GRID2: variants seen among roughly 807,000 people sequenced by gnomAD.
The protein encoded by GRID2 is glutamate receptor ionotropic, delta-2.
GRID2 carries 33 observed loss-of-function variants against 114.8 expected under a neutral mutation model. The observed-to-expected ratio is 0.29, with a 90% confidence interval of 0.22 to 0.38. The LOEUF (loss-of-function observed/expected upper bound fraction) is 0.38. Among genes scored for constraint, GRID2 ranks in the 10% least tolerant of loss-of-function variants. GRID2 has a pLI of 1.00. For missense variants in GRID2, 1,184 were observed against 1,257.7 expected (o/e 0.94, Z 0.89); for synonymous variants, 505 against 449.9 (o/e 1.12, Z -1.55).
chr4:93,039,528 C>T (rs1490493898), intron 2 of GRID2, among the ~76,000 whole-genome samples: 2 of 151,692 alleles, frequency 1.3e-5, no homozygotes, highest in African/African-American at 4.8e-5. Flanking sequence ...CATATCTGTC[C>T]TCATTAGTTG....
At chr4:93,147,239 G>T (rs1015009038) in intron 4 of GRID2, among the ~76,000 whole-genome samples, 2 of 151,996 alleles carry the variant, frequency 1.3e-5, no homozygotes, top group African/African-American at 4.8e-5. Context: ...GCAGCAGAGA[G>T]AATCAAAAAA....
At chr4:93,203,109 C>T (rs1172835476) in intron 4 of GRID2, among the ~76,000 whole-genome samples, 2 of 152,090 alleles carry the variant, frequency 1.3e-5, no homozygotes, top group African/African-American at 4.8e-5. Flanking sequence ...CCTACCATTA[C>T]TGATATCAGT....
In GRID2 at chr4:93,120,322, A is replaced by G. The variant is rs142463114; in HGVS notation, c.735+9369A>G. ...GATGTTTCTTGCAGCACTATTCACA[A>G]TAGCAAAGACTTAGAACCAACCCAC... On this transcript the variant is annotated intron_variant, in intron 4 of 15. Transcript: ENST00000282020. 2.3e-3 allele frequency among the ~76,000 whole-genome samples: 344 copies of G among 152,302 alleles called. 1 individual carries two copies. The highest frequency in any genetic ancestry group is 7.8e-3 in the African/African-American group (326 of 41,568).
chr4:92,924,653 A>C (rs925766905), intron 2 of GRID2, among the ~76,000 whole-genome samples: 7 of 152,246 alleles, frequency 4.6e-5, no homozygotes, highest in Admixed American at 6.6e-5. Flanking sequence ...AGTTACATTC[A>C]CTGCATCATA....
chr4:92,927,103 A>T (rs80139373), intron 2 of GRID2, among the ~76,000 whole-genome samples: 1 of 151,918 alleles, frequency 6.6e-6, no homozygotes, highest in African/African-American at 2.4e-5. Context: ...ACATCTTTCT[A>T]GTATTATGAA....
chr4:93,789,187 A>G (rs1214121024), intron 1 of GRID2, among the ~76,000 whole-genome samples: 2 of 152,232 alleles, frequency 1.3e-5, no homozygotes, highest in Non-Finnish European at 2.9e-5. Flanking sequence ...TGTGTTTTAT[A>G]ATTCACATTT....
At chr4:92,931,056 T>A (rs951890594) in intron 2 of GRID2, among the ~76,000 whole-genome samples, 2 of 150,760 alleles carry the variant, frequency 1.3e-5, no homozygotes, top group African/African-American at 4.9e-5. Flanking sequence ...GATAAAGACA[T>A]AACAAAGAAG....
At chr4:93,212,452 G>A (rs942753071) in intron 5 of GRID2, among the ~76,000 whole-genome samples, 3 of 152,038 alleles carry the variant, frequency 2.0e-5, no homozygotes, top group South Asian at 4.1e-4. Flanking sequence ...TCTTCTCCCC[G>A]CAATCAGTGG....
chr4:92,493,713 G>A (rs1723256889), intron 1 of GRID2, among the ~76,000 whole-genome samples: 6 of 152,202 alleles, frequency 3.9e-5, no homozygotes, highest in Admixed American at 3.3e-4. Context: ...ATGGCTAAAC[G>A]CTCATATTTT....
chr4:92,837,629 G>A (rs763577886), intron 2 of GRID2, among the ~76,000 whole-genome samples: 2 of 151,912 alleles, frequency 1.3e-5, no homozygotes, highest in Non-Finnish European at 2.9e-5. Context: ...GTTCAGAAAT[G>A]GCCAAAGGTA....
chr4:92,674,605 C>T (rs372958967), intron 2 of GRID2, among the ~76,000 whole-genome samples: 5 of 152,120 alleles, frequency 3.3e-5, no homozygotes, highest in African/African-American at 1.2e-4. Flanking sequence ...TCACTGCAAC[C>T]TCCGCCTCCC....
chr4:92,913,626 A>G (rs1301296713), intron 2 of GRID2, among the ~76,000 whole-genome samples: 3 of 152,008 alleles, frequency 2.0e-5, no homozygotes, highest in African/African-American at 7.2e-5. Context: ...AATCACTAGC[A>G]AAACTGCAGC....
chr4:93,013,659 T>C (rs939994284), intron 2 of GRID2, among the ~76,000 whole-genome samples: 15 of 152,040 alleles, frequency 9.9e-5, no homozygotes, highest in African/African-American at 3.6e-4. Context: ...CACTAATTCA[T>C]ACTTTGTGAC....
At chr4:92,567,718 A>G (rs1727403428) in intron 1 of GRID2, among the ~76,000 whole-genome samples, 1 of 152,026 alleles carries the variant, frequency 6.6e-6, no homozygotes, top group African/African-American at 2.4e-5. Context: ...ACATACTTTA[A>G]GTATTCTTTA....
At chr4:93,328,134 A>C (rs1235354293) in intron 8 of GRID2, among the ~76,000 whole-genome samples, 2 of 152,060 alleles carry the variant, frequency 1.3e-5, no homozygotes, top group Admixed American at 6.6e-5. Flanking sequence ...AAAAACAAAA[A>C]AAAAACAAAA....
chr4:92,904,985 T>C (rs1011134240), intron 2 of GRID2, among the ~76,000 whole-genome samples: 32 of 152,048 alleles, frequency 2.1e-4, no homozygotes, highest in African/African-American at 6.5e-4. Flanking sequence ...CAATTCAAGG[T>C]GGCAATTTGC....
intron 1 of GRID2, among the ~76,000 whole-genome samples, chr4:92,318,309 T>TATATATATA (rs1491453818): frequency 2.6e-5 from 3 of 113,366 alleles, no homozygotes; most frequent in African/African-American, 1.2e-4. Context: ...TATATATATA[T>TATATATATA]TTTTTTTTTT....
chr4:93,573,822 G>A (rs1346461788), intron 13 of GRID2, among the ~76,000 whole-genome samples: 2 of 152,068 alleles, frequency 1.3e-5, no homozygotes, highest in Non-Finnish European at 2.9e-5. Flanking sequence ...TCCACATGTA[G>A]ATAAAACATT....
At chr4:93,276,172 C>A (rs1488196087) in intron 8 of GRID2, among the ~76,000 whole-genome samples, 1 of 151,928 alleles carries the variant, frequency 6.6e-6, no homozygotes, top group Non-Finnish European at 1.5e-5. Context: ...TTGCATGAGA[C>A]ATCCAGTTTA....
Sources: gnomAD v4.1 joint callset for allele counts (sites outside exome capture counted in the v4.1 genomes callset) on GRCh38, gnomAD v4.1.1 for gene constraint, MANE v1.5 for transcripts, NCBI Gene and HGNC (gene_info 2026-07-23, HGNC 2026-07-21) for gene names.